The following NKAIN2 variants were observed in gnomAD, a reference collection of about 807,000 sequenced individuals.
The protein encoded by NKAIN2 is sodium/potassium transporting ATPase interacting 2, also known as sodium/potassium-transporting ATPase subunit beta-1-interacting protein 2.
NKAIN2 carries 14 observed loss-of-function variants against 32.6 expected under a neutral mutation model. The ratio of observed to expected loss-of-function variants is 0.43; its 90% CI spans 0.28 to 0.67. NKAIN2 has a LOEUF of 0.67. Ranked by LOEUF, NKAIN2 falls within the 30% of genes least tolerant of loss-of-function variation. The probability of loss-of-function intolerance (pLI) is 0.17; values close to 1 mark genes in which losing one functional copy is unlikely to be tolerated. For missense variants in NKAIN2, 198 were observed against 258.3 expected (o/e 0.77, Z 1.60); for synonymous variants, 80 against 87.2 (o/e 0.92, Z 0.46).
Position 124,465,795 on chromosome 6 carries a change from G to A in NKAIN2, c.273+110448G>A, listed in dbSNP as rs558285758. ...AGAGAGCATTTGCCTAACTGTGAAA[G>A]GGTTGTATGGAAAAATAATAATATA... On this transcript the variant is annotated intron_variant, in intron 3 of 6. Coordinates refer to ENST00000368417, the MANE Select transcript of NKAIN2 (RefSeq NM_001040214.3). 2.0e-5 allele frequency among the ~76,000 whole-genome samples: 3 copies of A among 152,010 alleles called. No homozygotes were observed. The East Asian group carries it at 5.8e-4, about 30-fold the overall frequency.
intron 3 of NKAIN2, among the ~76,000 whole-genome samples, chr6:124,600,871 C>A (rs1472116024): frequency 1.3e-5 from 2 of 151,938 alleles, no homozygotes; most frequent in African/African-American, 4.8e-5. Context: ...ACTTAATAGG[C>A]CTTCTCGATT....
chr6:124,494,964 A>G lies in NKAIN2; in HGVS notation c.273+139617A>G, dbSNP rs9385337. Among the ~76,000 whole-genome samples the G allele has an allele frequency of 0.014, 2,183 of 152,226 alleles. 123 individuals are homozygous for G. In the East Asian group the frequency reaches 0.16, roughly 11 times the overall value. On this transcript the variant is annotated intron_variant, in intron 3 of 6. Transcript: ENST00000368417. Reference sequence around the variant, plus strand: ...AAAAATACTATACTTAGGATTTTAAATTTTCTCTATAATTGCAATAGAATT... The same window carrying G: ...AAAAATACTATACTTAGGATTTTAAGTTTTCTCTATAATTGCAATAGAATT...
At chr6:123,813,540 G>A (rs902385997) in intron 1 of NKAIN2, among the ~76,000 whole-genome samples, 2 of 152,204 alleles carry the variant, frequency 1.3e-5, no homozygotes, top group Non-Finnish European at 2.9e-5. Context: ...GGCCAGGTGT[G>A]ATGGCTCATG....
At chr6:124,653,965 G>A (rs997848437) in intron 3 of NKAIN2, among the ~76,000 whole-genome samples, 1 of 151,962 alleles carries the variant, frequency 6.6e-6, no homozygotes, top group African/African-American at 2.4e-5. Flanking sequence ...TCTCAACATC[G>A]TATGTCATCA....
In NKAIN2 at chr6:124,532,188, C is replaced by T. The variant is rs374328668; in HGVS notation, c.274-125998C>T. On this transcript the variant is annotated intron_variant, in intron 3 of 6. Coordinates refer to ENST00000368417, the MANE Select transcript of NKAIN2 (RefSeq NM_001040214.3). ...AAGGTGCAGGGAGTGCCTACTCTCT[C>T]GTTCTAGAAAGCAGAACTTTTACAC... 2.1e-4 allele frequency among the ~76,000 whole-genome samples: 32 copies of T among 151,856 alleles called. No individual in the cohort carries two copies. The South Asian group carries it at 5.6e-3, about 27-fold the overall frequency.
chr6:124,386,016 A>G (rs1459890578), intron 3 of NKAIN2, among the ~76,000 whole-genome samples: 2 of 152,150 alleles, frequency 1.3e-5, no homozygotes, highest in Non-Finnish European at 2.9e-5. Flanking sequence ...CTGGGAATAT[A>G]ATCAGTCAAT....
chr6:124,027,203 G>A (rs1235420616), intron 1 of NKAIN2, among the ~76,000 whole-genome samples: 4 of 148,792 alleles, frequency 2.7e-5, no homozygotes, highest in South Asian at 2.1e-4. Context: ...GCAATAGCAC[G>A]ATCTCAGCTC....
chr6:123,841,051 A>C (rs1774847119), intron 1 of NKAIN2, among the ~76,000 whole-genome samples: 1 of 151,948 alleles, frequency 6.6e-6, no homozygotes, highest in South Asian at 2.1e-4. Flanking sequence ...GATCTGATAC[A>C]AATGTCCAAA....
intron 2 of NKAIN2, among the ~76,000 whole-genome samples, chr6:124,329,235 A>G (rs1201991885): frequency 6.6e-6 from 1 of 152,192 alleles, no homozygotes; most frequent in African/African-American, 2.4e-5. Context: ...AACTGCTCTG[A>G]TGCACTGCCA....
intron 3 of NKAIN2, among the ~76,000 whole-genome samples, chr6:124,528,122 A>C (rs560762): frequency 0.53 from 80,985 of 151,976 alleles, 24,192 homozygotes; most frequent in East Asian, 0.7. Context: ...GGCAATAAAG[A>C]CTGGAGTAGT....
intron 3 of NKAIN2, among the ~76,000 whole-genome samples, chr6:124,366,229 G>A (rs1323441250): frequency 1.3e-5 from 2 of 151,950 alleles, no homozygotes; most frequent in Admixed American, 6.6e-5. Context: ...CTTATCAATA[G>A]TGATTAAACG....
At chr6:124,412,648 C>T (rs1774255960) in intron 3 of NKAIN2, among the ~76,000 whole-genome samples, 1 of 152,200 alleles carries the variant, frequency 6.6e-6, no homozygotes, top group Non-Finnish European at 1.5e-5. Flanking sequence ...GGCAGTCTGC[C>T]CATTCTCAGA....
chr6:123,920,442 T>C (rs1454567176), intron 1 of NKAIN2, among the ~76,000 whole-genome samples: 2 of 152,186 alleles, frequency 1.3e-5, no homozygotes, highest in Non-Finnish European at 2.9e-5. Flanking sequence ...TTTTCATTAC[T>C]ATTTCATTTT....
rs1191699207 is a variant in NKAIN2, at chr6:124,337,145, A to G, written c.193-18122A>G. 2.0e-5 allele frequency among the ~76,000 whole-genome samples: 3 copies of G among 152,328 alleles called. No individual in the cohort carries two copies. In the East Asian group the frequency reaches 5.8e-4, roughly 29 times the overall value. On this transcript the variant is annotated intron_variant, in intron 2 of 6. Transcript: ENST00000368417. ...AATTCATATTAATCATTTATGATGTACCATCAATAAATTTATTTAAATTTG... is the reference window on the plus strand; with the variant it reads ...AATTCATATTAATCATTTATGATGTGCCATCAATAAATTTATTTAAATTTG...
chr6:124,308,777 T>C (rs1361941769), intron 2 of NKAIN2, among the ~76,000 whole-genome samples: 3 of 152,158 alleles, frequency 2.0e-5, no homozygotes, highest in Non-Finnish European at 2.9e-5. Context: ...TTGGCACCTA[T>C]TTCATTTGGA....
chr6:124,658,478 A>G, intron 4 of NKAIN2, 92 bp downstream of exon 4: 1 of 1,591,854 alleles, frequency 6.3e-7, no homozygotes, highest in Non-Finnish European at 8.6e-7. Flanking sequence ...ATCTGTGGGT[A>G]AAGTGTGGCC....
intron 1 of NKAIN2, among the ~76,000 whole-genome samples, chr6:124,227,784 G>A (rs1020072092): frequency 6.6e-6 from 1 of 152,142 alleles, no homozygotes; most frequent in South Asian, 2.1e-4. Context: ...ATAACTGAGG[G>A]CAGATGGGCC....
At chr6:124,642,852 T>A (rs1784041117) in intron 3 of NKAIN2, among the ~76,000 whole-genome samples, 1 of 152,192 alleles carries the variant, frequency 6.6e-6, no homozygotes, top group South Asian at 2.1e-4. Context: ...AAATATGTTT[T>A]AAGGTAAGGA....
chr6:124,600,269 T>C (rs1212576358), intron 3 of NKAIN2, among the ~76,000 whole-genome samples: 2 of 152,242 alleles, frequency 1.3e-5, no homozygotes, highest in Non-Finnish European at 1.5e-5. Flanking sequence ...TCCTTGTAAG[T>C]AGCTTTTTCA....
Sources: gnomAD v4.1 joint callset for allele counts (sites outside exome capture counted in the v4.1 genomes callset) on GRCh38, gnomAD v4.1.1 for gene constraint, MANE v1.5 for transcripts, NCBI Gene and HGNC (gene_info 2026-07-23, HGNC 2026-07-21) for gene names.